NINL: variants seen among roughly 807,000 people sequenced by gnomAD.
The protein encoded by NINL is ninein-like protein.
In NINL, 153 loss-of-function variants were observed where a neutral mutation model predicts 160.3. The observed-to-expected ratio is 0.95, with a 90% CI of 0.84 to 1.09. The LOEUF (loss-of-function observed/expected upper bound fraction) is 1.09. Among genes scored for constraint, NINL ranks in the 50% least tolerant of loss-of-function variants. The pLI, the probability that NINL is intolerant of heterozygous loss-of-function variation, is 0.00. For missense variants in NINL, 1,829 were observed against 1,764.0 expected (o/e 1.04, Z -0.66); for synonymous variants, 800 against 734.8 (o/e 1.09, Z -1.43).
chr20:25,461,643 T>G lies in NINL; in HGVS notation c.3583-8A>C. 1 of 1,574,484 alleles carries G rather than the reference T, an allele frequency of 6.4e-7. No homozygotes were observed. Among genetic ancestry groups the G allele is most frequent in the African/African-American group, 1.3e-5 (1 of 74,164 alleles). ...TTTTTGGATTTGGTCACTCTGTTTT[T>G]AAAAAATCAATTGCACAAGTCAAGA... On this transcript the variant is annotated splice_region_variant and splice_polypyrimidine_tract_variant and intron_variant, in intron 20 of 23. Transcript: ENST00000278886.
rs200872736 is a variant in NINL at position 25,501,057 on chromosome 20, C to T, written c.862-47G>A. 2.6e-4 allele frequency: 414 copies of T among 1,581,592 alleles called. No individual in the cohort carries two copies. The East Asian group carries it at 3.0e-3, about 12-fold the overall frequency. The stretch of plus-strand genomic sequence containing the variant: ...ATAGCGCCCAGCGTCCAAAGCCTCA[C>T]GCCTGTGTGCTGCTGATGTGCTCTC... On this transcript the variant is annotated intron_variant, in intron 7 of 23. Transcript: ENST00000278886.
At chr20:25,480,617 T>C (rs2063367180) in intron 14 of NINL, among the ~76,000 whole-genome samples, 2 of 152,244 alleles carry the variant, frequency 1.3e-5, no homozygotes, top group African/African-American at 4.8e-5. Context: ...GCACAGCAGA[T>C]GCCCGGTGGT....
intron 1 of NINL, among the ~76,000 whole-genome samples, chr20:25,579,473 G>A (rs998257039): frequency 4.6e-5 from 7 of 152,186 alleles, no homozygotes; most frequent in African/African-American, 1.2e-4. Flanking sequence ...AGTCATGCAC[G>A]GGGACTGGGC....
intron 10 of NINL, among the ~76,000 whole-genome samples, chr20:25,494,697 G>A (rs1004046442): frequency 2.6e-5 from 4 of 152,200 alleles, no homozygotes; most frequent in African/African-American, 7.2e-5. Context: ...GAGGTGCAGC[G>A]GGGACCCCCT....
At chr20:25,496,309 T>C (rs1288101482) in intron 10 of NINL, among the ~76,000 whole-genome samples, 1 of 152,200 alleles carries the variant, frequency 6.6e-6, no homozygotes, top group Non-Finnish European at 1.5e-5. Context: ...AAGGAAACCA[T>C]TGCCAGTCCT....
intron 1 of NINL, among the ~76,000 whole-genome samples, chr20:25,573,318 G>C (rs1394359684): frequency 6.6e-6 from 1 of 151,220 alleles, no homozygotes; most frequent in Non-Finnish European, 1.5e-5. Flanking sequence ...AAAAATTAAA[G>C]AATAAAATAA....
intron 1 of NINL, among the ~76,000 whole-genome samples, chr20:25,579,101 C>T (rs6037155): frequency 0.97 from 147,689 of 152,232 alleles, 71,796 homozygotes; most frequent in Non-Finnish European, 1. Flanking sequence ...AATACCTCAT[C>T]TTCTTGTTAA....
intron 14 of NINL, chr20:25,481,761 C>G: frequency 1.4e-6 from 1 of 698,322 alleles, no homozygotes; most frequent in Non-Finnish European, 2.3e-6. Flanking sequence ...GTCCCTTCCT[C>G]CTCCCTCTGC....
chr20:25,538,454 C>A (rs1293882422), intron 1 of NINL, among the ~76,000 whole-genome samples: 2 of 152,236 alleles, frequency 1.3e-5, no homozygotes, highest in African/African-American at 4.8e-5. Context: ...AGAGTTCTTT[C>A]AGCTCACCCC....
At chr20:25,527,614 G>A (rs1272182162) in intron 1 of NINL, among the ~76,000 whole-genome samples, 1 of 151,758 alleles carries the variant, frequency 6.6e-6, no homozygotes, top group African/African-American at 2.4e-5. Flanking sequence ...ATACACAGAG[G>A]ATGTTAATAA....
chr20:25,527,156 A>ATT (rs879518774), intron 1 of NINL, among the ~76,000 whole-genome samples: 1 of 146,860 alleles, frequency 6.8e-6, no homozygotes. Context: ...ATACAATCTG[A>ATT]TTTTTTTTTT....
At chr20:25,564,652 C>T (rs2064980972) in intron 1 of NINL, among the ~76,000 whole-genome samples, 1 of 151,862 alleles carries the variant, frequency 6.6e-6, no homozygotes, top group African/African-American at 2.4e-5. Context: ...GGGGTTTCAC[C>T]ATGTTGGCCA....
At chr20:25,555,286 C>A (rs2064853017) in intron 1 of NINL, among the ~76,000 whole-genome samples, 1 of 152,184 alleles carries the variant, frequency 6.6e-6, no homozygotes, top group Non-Finnish European at 1.5e-5. Flanking sequence ...ACAGGCCCCA[C>A]AACAAAGCAG....
rs1405576304 is a variant in NINL at position 25,517,751 on chromosome 20, A to G, written c.277+2T>C. On this transcript the variant is annotated splice_donor_variant, in intron 3 of 23. Coordinates refer to ENST00000278886, the MANE Select transcript of NINL (RefSeq NM_025176.6). LOFTEE classifies it high-confidence loss of function. ...AAGAAAACACAGAGGAAATCCTCTT[A>G]CCTGATTCCAAAGAACTACTGTCTT... The G allele has an allele frequency of 6.3e-6, 10 of 1,590,158 alleles. No individual in the cohort carries two copies. Among genetic ancestry groups the G allele is most frequent in the Non-Finnish European group, 2.6e-6 (3 of 1,168,804 alleles).
Position 25,462,543 on chromosome 20 carries a change from TG to T in NINL, c.3424-3del, listed in dbSNP as rs2062817773. 6.3e-7 allele frequency: 1 copy of T among 1,598,890 alleles called. No homozygotes were observed. The highest frequency in any genetic ancestry group is 8.5e-7 in the Non-Finnish European group (1 of 1,175,400). On this transcript the variant is annotated splice_region_variant and splice_polypyrimidine_tract_variant and intron_variant, in intron 19 of 23. Transcript: ENST00000278886. Reference sequence around the variant, plus strand: ...TAATTGATCCTTGTAGTTCTGATTCTGGGGGAAAAAGTTTTTAAATACATAA... The same window carrying T: ...TAATTGATCCTTGTAGTTCTGATTCTGGGGAAAAAGTTTTTAAATACATAA...
chr20:25,471,538 C>T (rs559032013), intron 17 of NINL, among the ~76,000 whole-genome samples: 12 of 152,270 alleles, frequency 7.9e-5, no homozygotes, highest in South Asian at 4.1e-4. Context: ...CTAGATCCTG[C>T]GCAAAGCTGA....
intron 19 of NINL, among the ~76,000 whole-genome samples, chr20:25,464,357 C>T (rs1478066783): frequency 1.3e-5 from 2 of 152,188 alleles, no homozygotes; most frequent in African/African-American, 4.8e-5. Context: ...GCAGAGGTTG[C>T]AGTGAGCTGA....
chr20:25,486,253 CAAA>C (rs1243170243), intron 13 of NINL, among the ~76,000 whole-genome samples: 1 of 151,324 alleles, frequency 6.6e-6, no homozygotes, highest in Non-Finnish European at 1.5e-5. Context: ...CAAAAAAATC[CAAA>C]AAAAGGAAAG....
At chr20:25,543,978 G>A (rs2064702905) in intron 1 of NINL, among the ~76,000 whole-genome samples, 1 of 131,940 alleles carries the variant, frequency 7.6e-6, no homozygotes, top group Admixed American at 7.2e-5. Flanking sequence ...TATAATGTAA[G>A]GTAAGAGTCC....
Sources: gnomAD v4.1 joint callset for allele counts (sites outside exome capture counted in the v4.1 genomes callset) on GRCh38, gnomAD v4.1.1 for gene constraint, MANE v1.5 for transcripts, NCBI Gene and HGNC (gene_info 2026-07-23, HGNC 2026-07-21) for gene names.